Variants in SUMF1 observed in about 807,000 individuals in gnomAD.
SUMF1 encodes formylglycine-generating enzyme.
Under a neutral mutation model 47.6 loss-of-function variants are expected in SUMF1, and 48 were observed. The observed-to-expected ratio is 1.01, with a 90% confidence interval of 0.80 to 1.28. The LOEUF is 1.28. SUMF1 is among the 50% of genes most tolerant of loss of function. The pLI, the probability that SUMF1 is intolerant of heterozygous loss-of-function variation, is 0.00. For missense variants in SUMF1, 571 were observed against 485.4 expected, an observed-to-expected ratio of 1.18 and a Z score of -1.66; for synonymous variants, 230 against 192.1, an observed-to-expected ratio of 1.20 and a Z score of -1.63.
In SUMF1 at chr3:4,053,044, T is replaced by C. The variant is rs112394600; in HGVS notation, c.1191+15525A>G. Among the ~76,000 whole-genome samples the C allele has an allele frequency of 5.5e-3, 844 of 152,294 alleles. 13 individuals carry two copies. Among genetic ancestry groups the C allele is most frequent in the African/African-American group, 0.019 (772 of 41,568 alleles). ...CTTTTGGTCCATCTCAGCTTTTACA[T>C]ACCTTCCTCACTAAGCTTAATCATT... On this transcript the variant is annotated intron_variant and NMD_transcript_variant, in intron 9 of 12. Transcript: ENST00000448413.
intron 8 of SUMF1, among the ~76,000 whole-genome samples, chr3:4,253,051 T>C (rs1348360861): frequency 1.3e-5 from 2 of 152,220 alleles, no homozygotes; most frequent in African/African-American, 4.8e-5. Context: ...GAGTTTTAAA[T>C]TTTTTAAAAA....
At chr3:4,247,336 C>A (rs914333968) in intron 8 of SUMF1, among the ~76,000 whole-genome samples, 7 of 152,182 alleles carry the variant, frequency 4.6e-5, no homozygotes, top group African/African-American at 1.7e-4. Flanking sequence ...ACAGCAAAAA[C>A]CATTAATTCA....
In SUMF1 at chr3:4,303,300, G is replaced by A. The variant is rs1698020475; in HGVS notation, c.1014+73030C>T. On this transcript the variant is annotated intron_variant and NMD_transcript_variant, in intron 8 of 12. Coordinates refer to the SUMF1 transcript ENST00000448413. ...TTCCCATGAGGCGGTGGGGCCACGG[G>A]ACCACAAGTCCCAGCATCCACCGCG... 7 of 1,429,782 alleles carry A rather than the reference G, an allele frequency of 4.9e-6. No individual in the cohort carries two copies. In the East Asian group the frequency reaches 1.2e-4, roughly 25 times the overall value. The allele number at this position is 1,429,782 out of a possible 1,614,324, so 88.6% of individuals were successfully genotyped here. A position where few individuals can be genotyped will look rare whatever the true frequency, so the allele number is the denominator to read the frequency against.
chr3:4,283,491 C>T (rs181945030), intron 8 of SUMF1, among the ~76,000 whole-genome samples: 71 of 132,432 alleles, frequency 5.4e-4, no homozygotes, highest in Non-Finnish European at 9.0e-5. Context: ...CTCCAGGAAC[C>T]CTTTGTTAAA....
rs182579034 is a variant in SUMF1, at chr3:4,144,624, T to C, written c.1015-75879A>G. On this transcript the variant is annotated intron_variant and NMD_transcript_variant, in intron 8 of 12. Transcript: ENST00000448413. ...AACTAATGGGAAAGGTTAATGCCTGTTTATTCATAATCCAATCCACTCCAA... is the reference window on the plus strand; with the variant it reads ...AACTAATGGGAAAGGTTAATGCCTGCTTATTCATAATCCAATCCACTCCAA... Among the ~76,000 whole-genome samples, 683 of 152,232 alleles carry C rather than the reference T, an allele frequency of 4.5e-3. 10 individuals are homozygous for C. Among genetic ancestry groups the C allele is most frequent in the African/African-American group, 0.016 (649 of 41,536 alleles).
chr3:4,221,822 T>C (rs999481517), intron 8 of SUMF1, among the ~76,000 whole-genome samples: 4 of 151,752 alleles, frequency 2.6e-5, no homozygotes, highest in African/African-American at 9.7e-5. Flanking sequence ...ATGTTTCACA[T>C]ACACACACAC....
intron 8 of SUMF1, among the ~76,000 whole-genome samples, chr3:4,176,613 G>C (rs1694970503): frequency 6.6e-6 from 1 of 152,170 alleles, no homozygotes; most frequent in South Asian, 2.1e-4. Context: ...ATCGATGATA[G>C]AAAGAAACTA....
chr3:4,202,480 C>A (rs1695562267), intron 8 of SUMF1, among the ~76,000 whole-genome samples: 2 of 151,934 alleles, frequency 1.3e-5, no homozygotes, highest in Non-Finnish European at 2.9e-5. Flanking sequence ...TGTTTTTATG[C>A]CAGTACTATG....
intron 8 of SUMF1, among the ~76,000 whole-genome samples, chr3:4,241,200 G>C (rs1477011466): frequency 1.3e-5 from 2 of 152,128 alleles, no homozygotes; most frequent in African/African-American, 2.4e-5. Flanking sequence ...CTGTGTAATA[G>C]AACATTTCCA....
chr3:4,349,566 A>T (rs1373332374), intron 8 of SUMF1, among the ~76,000 whole-genome samples: 1 of 152,240 alleles, frequency 6.6e-6, no homozygotes, highest in African/African-American at 2.4e-5. Flanking sequence ...TTACGATAGC[A>T]AAGACATGGA....
chr3:4,447,594 G>C (rs564282870), intron 3 of SUMF1, among the ~76,000 whole-genome samples: 2 of 151,952 alleles, frequency 1.3e-5, no homozygotes, highest in African/African-American at 4.8e-5. Context: ...AAAAAGGTCT[G>C]GTGCAGTGAA....
intron 3 of SUMF1, among the ~76,000 whole-genome samples, chr3:4,428,828 C>T (rs532794285): frequency 9.4e-4 from 143 of 152,248 alleles, no homozygotes; most frequent in African/African-American, 3.4e-3. Context: ...CATTCCATTA[C>T]AAATTTTATT....
rs538490118 is a variant in SUMF1 at position 4,253,941 on chromosome 3, G to T, written c.1014+122389C>A. Among the ~76,000 whole-genome samples, 50 of 150,616 alleles carry T rather than the reference G, an allele frequency of 3.3e-4. 1 individual carries two copies. The East Asian group carries it at 6.5e-3, about 19-fold the overall frequency. Reference sequence around the variant, plus strand: ...GAGAACTGGCAGACTGCCTCCTCAAGTGGGTCCCTGACCCCTGACCCCCGA... The same window carrying T: ...GAGAACTGGCAGACTGCCTCCTCAATTGGGTCCCTGACCCCTGACCCCCGA... On this transcript the variant is annotated intron_variant and NMD_transcript_variant, in intron 8 of 12. Transcript: ENST00000448413.
chr3:4,170,694 T>G (rs557864838), intron 8 of SUMF1, among the ~76,000 whole-genome samples: 3 of 152,242 alleles, frequency 2.0e-5, no homozygotes, highest in African/African-American at 7.2e-5. Flanking sequence ...TATAGTGAAC[T>G]AAACTTTGAC....
intron 8 of SUMF1, among the ~76,000 whole-genome samples, chr3:4,244,124 C>G (rs1050689242): frequency 7.2e-5 from 11 of 152,102 alleles, no homozygotes; most frequent in Non-Finnish European, 5.9e-5. Context: ...GTGGATCTTC[C>G]TCCATCCCTT....
chr3:4,156,606 G>A (rs1694457521), intron 8 of SUMF1, among the ~76,000 whole-genome samples: 1 of 151,590 alleles, frequency 6.6e-6, no homozygotes, highest in South Asian at 2.1e-4. Context: ...TTTTCTGGGT[G>A]TTAATCCCAC....
chr3:4,214,566 C>A (rs1336029118), intron 8 of SUMF1, among the ~76,000 whole-genome samples: 2 of 152,046 alleles, frequency 1.3e-5, no homozygotes, highest in Admixed American at 6.5e-5. Flanking sequence ...CAGAGCAGAA[C>A]TGAAGGAGAC....
At chr3:4,197,289 A>AT (rs1574969828) in intron 8 of SUMF1, among the ~76,000 whole-genome samples, 1 of 151,926 alleles carries the variant, frequency 6.6e-6, no homozygotes, top group African/African-American at 2.4e-5. Context: ...TAATTTTTGT[A>AT]TTTTTTGTAC....
rs149944208 is a variant in SUMF1 at position 4,113,518 on chromosome 3, C to A, written c.1015-44773G>T. Among the ~76,000 whole-genome samples, 725 of 151,204 alleles carry A rather than the reference C, an allele frequency of 4.8e-3. 13 individuals carry two copies. Among genetic ancestry groups the A allele is most frequent in the African/African-American group, 0.017 (696 of 41,024 alleles). On this transcript the variant is annotated intron_variant and NMD_transcript_variant, in intron 8 of 12. Transcript: ENST00000448413. ...TCTCCAGCCTGGGTCACAGTGAGAC[C>A]CTGTCACCGCCCCCCACCCCCAAAA...
Sources: gnomAD v4.1 joint callset for allele counts (sites outside exome capture counted in the v4.1 genomes callset) on GRCh38, gnomAD v4.1.1 for gene constraint, MANE v1.5 for transcripts, NCBI Gene and HGNC (gene_info 2026-07-23, HGNC 2026-07-21) for gene names.